Variants in DENND1B observed in about 807,000 individuals in gnomAD.
DENND1B encodes the protein DENN domain-containing protein 1B.
Under a neutral mutation model 90.1 loss-of-function variants are expected in DENND1B, and 59 were observed. The observed-to-expected ratio is 0.65, with a 90% CI of 0.53 to 0.81. DENND1B has a LOEUF of 0.81. Among genes scored for constraint, DENND1B ranks in the 40% least tolerant of loss-of-function variants. The pLI is 0.00. For missense variants in DENND1B, 862 were observed against 912.6 expected (o/e 0.94, Z 0.71); for synonymous variants, 337 against 324.6 (o/e 1.04, Z -0.41).
chr1:197,647,591 A>T (rs1479898202), intron 7 of DENND1B, among the ~76,000 whole-genome samples: 1 of 152,210 alleles, frequency 6.6e-6, no homozygotes, highest in African/African-American at 2.4e-5. Flanking sequence ...CTGTTATTGA[A>T]ATCAAATGCA....
At chr1:197,773,983 TATAAG>T (rs923719213) in intron 1 of DENND1B, among the ~76,000 whole-genome samples, 3 of 152,224 alleles carry the variant, frequency 2.0e-5, no homozygotes, top group African/African-American at 7.2e-5. Flanking sequence ...AAGCTTTTCT[TATAAG>T]ATATGAATCT....
chr1:197,768,655 G>A (rs1451350171), intron 2 of DENND1B, among the ~76,000 whole-genome samples: 1 of 151,924 alleles, frequency 6.6e-6, no homozygotes, highest in Non-Finnish European at 1.5e-5. Context: ...AAGTTACTGG[G>A]AGGTTGTTCT....
At chr1:197,736,181 C>T (rs1662668674) in intron 2 of DENND1B, 3 of 483,364 alleles carry the variant, frequency 6.2e-6, no homozygotes, top group Middle Eastern at 6.0e-4. Context: ...TGGAATACTG[C>T]AAAACAACCC....
upstream of DENND1B, among the ~76,000 whole-genome samples, chr1:197,776,191 C>T (rs1440379382): frequency 6.6e-6 from 1 of 152,166 alleles, no homozygotes; most frequent in African/African-American, 2.4e-5. Context: ...TTACACAGCC[C>T]TAAAGCACAT....
At chr1:197,553,134 TA>T in intron 15 of DENND1B, 22 bp from the exon 16 acceptor site, 2 of 1,502,134 alleles carry the variant, frequency 1.3e-6, no homozygotes, top group Non-Finnish European at 1.8e-6. Context: ...AAGTGTCAAA[TA>T]AAATGTATCA....
intron 3 of DENND1B, among the ~76,000 whole-genome samples, chr1:197,694,613 G>T (rs527713689): frequency 2.6e-5 from 4 of 151,368 alleles, no homozygotes; most frequent in African/African-American, 9.7e-5. Flanking sequence ...ACTCTTTATA[G>T]AACTAAATTC....
intron 11 of DENND1B, among the ~76,000 whole-genome samples, chr1:197,612,525 C>T (rs541754142): frequency 1.3e-5 from 2 of 150,704 alleles, no homozygotes; most frequent in Non-Finnish European, 3.0e-5. Flanking sequence ...TGTTCTGGAA[C>T]TGGATGTACA....
At chr1:197,527,178 T>C (rs946664429) in intron 20 of DENND1B, among the ~76,000 whole-genome samples, 1 of 152,134 alleles carries the variant, frequency 6.6e-6, no homozygotes, top group African/African-American at 2.4e-5. Flanking sequence ...AGTCTACATA[T>C]ATCTTTGGAA....
intron 14 of DENND1B, among the ~76,000 whole-genome samples, chr1:197,594,273 T>G (rs1675489646): frequency 6.6e-6 from 1 of 152,178 alleles, no homozygotes; most frequent in Admixed American, 6.5e-5. Context: ...GAAGTCAGTT[T>G]AGAAAAGATA....
In DENND1B at chr1:197,510,511, G is replaced by C; in HGVS notation, c.2277C>G (p.Phe759Leu). The stretch of plus-strand genomic sequence containing the variant: ...TGTCTGAAATGTTCAAGCTTTGTTG[G>C]AAGTCAGATGTCATATGACATAATG... ...VVSLCHMTSD[F>L]QQSLNISDKN... The change falls in exon 23 of 23, where the codon TTC becomes TTG. Residue 759 changes from phenylalanine (F) to leucine (L), a missense_variant. Transcript: ENST00000620048. 1 of 1,611,188 alleles carries C rather than the reference G, an allele frequency of 6.2e-7. No homozygotes were observed. Among genetic ancestry groups the C allele is most frequent in the Non-Finnish European group, 8.5e-7 (1 of 1,178,478 alleles).
At chr1:197,561,799 T>C (rs1387380751) in intron 15 of DENND1B, among the ~76,000 whole-genome samples, 5 of 151,938 alleles carry the variant, frequency 3.3e-5, no homozygotes, top group Non-Finnish European at 7.4e-5. Context: ...GAATCATCCA[T>C]GACTCTGCTT....
At chr1:197,587,774 T>C (rs12565840) in intron 14 of DENND1B, among the ~76,000 whole-genome samples, 23,847 of 152,084 alleles carry the variant, frequency 0.16, 2,154 homozygotes, top group Non-Finnish European at 0.2. Context: ...TTTATATTAT[T>C]ATTACATTGT....
At chr1:197,742,749 G>T (rs1194984726) in intron 2 of DENND1B, among the ~76,000 whole-genome samples, 1 of 152,182 alleles carries the variant, frequency 6.6e-6, no homozygotes, top group Non-Finnish European at 1.5e-5. Context: ...GTCTGGAGAT[G>T]AAGCAAAATT....
At chr1:197,562,884 A>T (rs371090298) in intron 15 of DENND1B, among the ~76,000 whole-genome samples, 1 of 151,968 alleles carries the variant, frequency 6.6e-6, no homozygotes, top group African/African-American at 2.4e-5. Context: ...AAGGTGAAAC[A>T]GCCTTATTGC....
At chr1:197,752,056 C>G (rs1025727443) in intron 2 of DENND1B, among the ~76,000 whole-genome samples, 9 of 151,102 alleles carry the variant, frequency 6.0e-5, no homozygotes, top group African/African-American at 2.0e-4. Context: ...AGGAAGAAAG[C>G]AGAAATCAAT....
At position 197,772,849 on chromosome 1, in the gene DENND1B, G is replaced by A; in HGVS notation, c.82+19C>T. 6.5e-7 allele frequency: 1 copy of A among 1,542,920 alleles called. No homozygotes were observed. Among genetic ancestry groups the A allele is most frequent in the Non-Finnish European group, 8.7e-7 (1 of 1,142,928 alleles). Reference sequence around the variant, plus strand: ...AAAAAAGAGACCTTGTCAAATAACAGAACACAGAAGACACATACCTTCATT... The same window carrying A: ...AAAAAAGAGACCTTGTCAAATAACAAAACACAGAAGACACATACCTTCATT... On this transcript the variant is annotated intron_variant, in intron 2 of 22. Coordinates refer to ENST00000620048, the MANE Select transcript of DENND1B (RefSeq NM_001195215.2).
At position 197,772,856 on chromosome 1, in the gene DENND1B, G is replaced by T; in HGVS notation, c.82+12C>A. 1 of 1,548,638 alleles carries T rather than the reference G, an allele frequency of 6.5e-7. No homozygotes were observed. Among genetic ancestry groups the T allele is most frequent in the Non-Finnish European group, 8.7e-7 (1 of 1,145,402 alleles). ...AGACCTTGTCAAATAACAGAACACA[G>T]AAGACACATACCTTCATTTTCAGAG... On this transcript the variant is annotated intron_variant, in intron 2 of 22. Transcript: ENST00000620048.
intron 3 of DENND1B, among the ~76,000 whole-genome samples, chr1:197,713,869 T>TTATATATATTA (rs1660308904): frequency 3.0e-3 from 1 of 328 alleles, no homozygotes; most frequent in Non-Finnish European, 9.1e-3. Flanking sequence ...ATATTATATA[T>TTATATATATTA]AACTATTGTT....
chr1:197,720,948 T>C (rs1661113699), intron 2 of DENND1B, among the ~76,000 whole-genome samples: 1 of 152,174 alleles, frequency 6.6e-6, no homozygotes, highest in African/African-American at 2.4e-5. Context: ...CAATATTTAA[T>C]TTTATCATCT....
Sources: gnomAD v4.1 joint callset for allele counts (sites outside exome capture counted in the v4.1 genomes callset) on GRCh38, gnomAD v4.1.1 for gene constraint, MANE v1.5 for transcripts, NCBI Gene and HGNC (gene_info 2026-07-23, HGNC 2026-07-21) for gene names.